Variants in CFAP161 observed in about 807,000 individuals in gnomAD.
The protein encoded by CFAP161 is cilia- and flagella-associated protein 161.
Under a neutral mutation model 29.0 loss-of-function variants are expected in CFAP161, and 25 were observed. The ratio of observed to expected loss-of-function variants is 0.86; its 90% CI spans 0.63 to 1.20. The LOEUF is 1.20. Among genes scored for constraint, CFAP161 ranks in the 50% most tolerant of loss-of-function variants. The pLI, the probability that CFAP161 is intolerant of heterozygous loss-of-function variation, is 0.00. For missense variants in CFAP161, 367 were observed against 371.9 expected (o/e 0.99, Z 0.11); for synonymous variants, 116 against 137.4 (o/e 0.84, Z 1.09).
chr15:81,110,445 A>G (rs1894426141), intron 1 of CFAP161, among the ~76,000 whole-genome samples: 1 of 152,066 alleles, frequency 6.6e-6, no homozygotes, highest in South Asian at 2.1e-4. Flanking sequence ...TCCCCAGGAT[A>G]TCTGTGAATT....
At position 81,135,319 on chromosome 15, in the gene CFAP161, TAC is replaced by T; in HGVS notation, c.121_122del (p.Gln41GlufsTer3). The T allele has an allele frequency of 1.9e-6, 3 of 1,599,614 alleles. No homozygotes were observed. The highest frequency in any genetic ancestry group is 1.4e-5 in the African/African-American group (1 of 73,764). ...AAGAGAGACAAGGGGAAACTTCTCA[TAC>T]AGAGAAGTAGAAGACTAAAACAGAA... is the stretch of plus-strand genomic sequence containing the variant. On this transcript the variant is annotated frameshift_variant, in exon 2 of 7. Coordinates refer to ENST00000286732, the MANE Select transcript of CFAP161 (RefSeq NM_173528.4). LOFTEE classifies it high-confidence loss of function.
chr15:81,144,130 A>G (rs1011519701), intron 5 of CFAP161, among the ~76,000 whole-genome samples: 3 of 152,222 alleles, frequency 2.0e-5, no homozygotes, highest in Non-Finnish European at 4.4e-5. Flanking sequence ...AGCATCCTGC[A>G]CTAGAGTTTC....
At chr15:81,117,591 C>A in intron 1 of CFAP161, 1 of 167,284 alleles carries the variant, frequency 6.0e-6, no homozygotes. Context: ...ATGAATAGTC[C>A]AAACAATACT....
At chr15:81,125,569 T>C (rs1048845941) in intron 1 of CFAP161, among the ~76,000 whole-genome samples, 2 of 152,216 alleles carry the variant, frequency 1.3e-5, no homozygotes, top group Non-Finnish European at 2.9e-5. Flanking sequence ...TTTTATGTTA[T>C]CAGTAATTTA....
In CFAP161 at chr15:81,124,203, G is replaced by A. The variant is rs572961662; in HGVS notation, c.-141-3387G>A. On this transcript the variant is annotated intron_variant, in intron 1 of 4. Transcript: ENST00000560091. ...CATATATGGCTCTTATTATTTTGAG[G>A]TATGTTCCTTCAATACCAGGGATAT... 8.6e-5 allele frequency among the ~76,000 whole-genome samples: 13 copies of A among 151,882 alleles called. No individual in the cohort carries two copies. The South Asian group carries it at 2.5e-3, about 29-fold the overall frequency.
intron 4 of CFAP161, among the ~76,000 whole-genome samples, chr15:81,142,106 C>T (rs544810622): frequency 6.6e-6 from 1 of 152,048 alleles, no homozygotes; most frequent in South Asian, 2.1e-4. Flanking sequence ...ATTACCAGGT[C>T]TCTTCCGCTG....
At chr15:81,114,549 G>A (rs1257149853) in intron 1 of CFAP161, among the ~76,000 whole-genome samples, 2 of 152,190 alleles carry the variant, frequency 1.3e-5, no homozygotes, top group African/African-American at 2.4e-5. Flanking sequence ...AACAAACAGA[G>A]AGAGGCTCTC....
chr15:81,147,898 G>A lies in CFAP161; in HGVS notation c.677G>A (p.Arg226Gln), dbSNP rs202176412. 51 of 1,611,390 alleles carry A rather than the reference G, an allele frequency of 3.2e-5. No homozygotes were observed. The highest frequency in any genetic ancestry group is 6.7e-5 in the East Asian group (3 of 44,842). ...KILINHCHTN[R>Q]GLAAHRHLFL... ...CTCATCAATCACTGTCACACAAATC[G>A]GGGACTGGCAGCCCACCGGCATCTT... Residue 226 changes from arginine to glutamine, a missense_variant, in exon 6 of 7, where the codon CGG becomes CAG. Coordinates refer to ENST00000286732, the MANE Select transcript of CFAP161 (RefSeq NM_173528.4).
upstream of CFAP161, among the ~76,000 whole-genome samples, chr15:81,134,068 C>T (rs565438870): frequency 2.5e-4 from 38 of 152,320 alleles, no homozygotes; most frequent in Middle Eastern, 3.4e-3. Flanking sequence ...CTCGGAAGCA[C>T]TTTGTCAGCC....
At chr15:81,135,228 A>G in intron 1 of CFAP161, 42 bp from the exon 2 acceptor site, 8 of 1,208,992 alleles carry the variant, frequency 6.6e-6, no homozygotes, top group Non-Finnish European at 9.5e-6. Context: ...TAATACTAAC[A>G]TCTATATTAT....
intron 1 of CFAP161, among the ~76,000 whole-genome samples, chr15:81,104,406 A>G (rs1285591890): frequency 6.6e-6 from 1 of 152,232 alleles, no homozygotes; most frequent in East Asian, 1.9e-4. Flanking sequence ...GGCCTTACCC[A>G]GGTCGTCTGA....
At chr15:81,116,676 G>A (rs1413778615) in intron 1 of CFAP161, among the ~76,000 whole-genome samples, 1 of 152,174 alleles carries the variant, frequency 6.6e-6, no homozygotes, top group Non-Finnish European at 1.5e-5. Flanking sequence ...TGTAGTGTGA[G>A]TATCTCTGGT....
In CFAP161 at chr15:81,125,272, T is replaced by C. The variant is rs111236780; in HGVS notation, c.-141-2318T>C. On this transcript the variant is annotated intron_variant, in intron 1 of 4. Transcript: ENST00000560091. ...CCCTATTAATCATTTTAATAGCCTG[T>C]ATTAGGTATTTAAATGCAAACCTTA... 9.7e-3 allele frequency among the ~76,000 whole-genome samples: 1,481 copies of C among 152,268 alleles called. 19 individuals carry two copies. Among genetic ancestry groups the C allele is most frequent in the African/African-American group, 0.031 (1,283 of 41,564 alleles).
At chr15:81,119,172 G>A (rs1894538336) in intron 1 of CFAP161, among the ~76,000 whole-genome samples, 1 of 152,140 alleles carries the variant, frequency 6.6e-6, no homozygotes, top group Non-Finnish European at 1.5e-5. Context: ...ATAGCTGATT[G>A]CAAATACTTT....
chr15:81,126,920 T>C (rs1894648462), intron 1 of CFAP161, among the ~76,000 whole-genome samples: 1 of 152,156 alleles, frequency 6.6e-6, no homozygotes, highest in Admixed American at 6.5e-5. Context: ...TCAAAGTAGG[T>C]AGAAAAAAAT....
In CFAP161 at chr15:81,147,888, C is replaced by A. The variant is rs912706595; in HGVS notation, c.667C>A (p.His223Asn). 1 of 1,611,552 alleles carries A rather than the reference C, an allele frequency of 6.2e-7. No individual in the cohort carries two copies. Among genetic ancestry groups the A allele is most frequent in the Non-Finnish European group, 8.5e-7 (1 of 1,179,056 alleles). ...ANAKILINHC[H>N]TNRGLAAHRH... is the part of the protein sequence containing the mutation. Reference sequence around the variant, plus strand: ...TGCTAAAATTCTCATCAATCACTGTCACACAAATCGGGGACTGGCAGCCCA... The same window carrying A: ...TGCTAAAATTCTCATCAATCACTGTAACACAAATCGGGGACTGGCAGCCCA... Residue 223 changes from histidine (H) to asparagine (N), a missense_variant, in exon 6 of 7, where the codon CAC becomes AAC. His to Asn is a moderately conservative substitution (Grantham distance 68). Transcript: ENST00000286732.
intron 1 of CFAP161, among the ~76,000 whole-genome samples, chr15:81,122,670 T>C (rs761058415): frequency 1.3e-5 from 2 of 151,994 alleles, no homozygotes; most frequent in Non-Finnish European, 2.9e-5. Flanking sequence ...TTTTGTATTT[T>C]TAATAGAGAC....
At chr15:81,109,833 G>A (rs1894419311) in intron 1 of CFAP161, among the ~76,000 whole-genome samples, 1 of 152,090 alleles carries the variant, frequency 6.6e-6, no homozygotes, top group Non-Finnish European at 1.5e-5. Flanking sequence ...GATGTGGATG[G>A]TCTACCACTG....
chr15:81,104,340 G>T (rs1354153801), intron 1 of CFAP161, among the ~76,000 whole-genome samples: 2 of 152,240 alleles, frequency 1.3e-5, no homozygotes, highest in African/African-American at 4.8e-5. Flanking sequence ...CAGTGAAGCT[G>T]GGAAGAGACT....
Sources: gnomAD v4.1 joint callset for allele counts (sites outside exome capture counted in the v4.1 genomes callset) on GRCh38, gnomAD v4.1.1 for gene constraint, MANE v1.5 for transcripts, NCBI Gene and HGNC (gene_info 2026-07-23, HGNC 2026-07-21) for gene names.